Variants in ELL observed in about 807,000 individuals in gnomAD.
ELL encodes the protein RNA polymerase II elongation factor ELL.
In ELL, 18 loss-of-function variants were observed where a neutral mutation model predicts 64.0. That is an observed-to-expected ratio of 0.28 (90% CI 0.19 to 0.42). The LOEUF is 0.42. Among genes scored for constraint, ELL ranks in the 10% least tolerant of loss-of-function variants. The pLI is 1.00. For missense variants in ELL, 797 were observed against 870.4 expected, an observed-to-expected ratio of 0.92 and a Z score of 1.06; for synonymous variants, 399 against 376.2, an observed-to-expected ratio of 1.06 and a Z score of -0.70.
chr19:18,475,596 C>T (rs1975158793), intron 1 of ELL, among the ~76,000 whole-genome samples: 2 of 152,162 alleles, frequency 1.3e-5, no homozygotes, highest in African/African-American at 2.4e-5. Flanking sequence ...CCCAAATGTC[C>T]GTCAACTGGT....
chr19:18,508,731 T>C (rs1975937259), intron 1 of ELL, among the ~76,000 whole-genome samples: 1 of 152,252 alleles, frequency 6.6e-6, no homozygotes, highest in Admixed American at 6.5e-5. Flanking sequence ...GCTAGACAGT[T>C]GCAGCCTTGG....
rs1003690057 is a variant in ELL at position 18,449,537 on chromosome 19, C to T, written c.1465+940G>A. Among the ~76,000 whole-genome samples the T allele has an allele frequency of 5.9e-5, 9 of 152,160 alleles. No homozygotes were observed. Among genetic ancestry groups the T allele is most frequent in the African/African-American group, 1.9e-4 (8 of 41,414 alleles). On this transcript the variant is annotated intron_variant, in intron 8 of 11. Coordinates refer to ENST00000262809, the MANE Select transcript of ELL (RefSeq NM_006532.4). This position sits in a 1 kb window ranked among gnomAD's most constrained non-coding sequence, Gnocchi z 4.4. ...CCTGCTCTCCAGCCACAGCAGGGGA[C>T]GGGGCATGGCCCTCTGAGCAACGCA...
At chr19:18,459,681 G>A (rs185514719) in intron 5 of ELL, among the ~76,000 whole-genome samples, 14 of 151,120 alleles carry the variant, frequency 9.3e-5, no homozygotes, top group East Asian at 1.9e-4. Context: ...CACCACGCCC[G>A]GCTAATTTTT....
rs1017743915 is a variant in ELL at position 18,475,324 on chromosome 19, C to T, written c.136-2442G>A. Among the ~76,000 whole-genome samples, 3 of 152,064 alleles carry T rather than the reference C, an allele frequency of 2.0e-5. No individual in the cohort carries two copies. The South Asian group carries it at 6.3e-4, about 32-fold the overall frequency. ...TAACCACACTGAGATAGCTCTGTAC[C>T]CATCAGAGCAGCTAATCTAAAAGAA... On this transcript the variant is annotated intron_variant, in intron 1 of 11. Transcript: ENST00000262809.
intron 1 of ELL, among the ~76,000 whole-genome samples, chr19:18,515,720 C>T (rs1438390605): frequency 4.6e-5 from 7 of 152,168 alleles, no homozygotes; most frequent in Admixed American, 1.3e-4. Context: ...CTCTTGGGGA[C>T]GCGGAAAGTT....
intron 1 of ELL, among the ~76,000 whole-genome samples, chr19:18,497,030 T>C (rs1025391732): frequency 1.3e-5 from 2 of 152,206 alleles, no homozygotes; most frequent in Non-Finnish European, 2.9e-5. Context: ...ATGCAATAAT[T>C]GCACGCCTTG....
At position 18,449,501 on chromosome 19, in the gene ELL, A is replaced by G. The variant is rs572949988; in HGVS notation, c.1465+976T>C. 3.3e-5 allele frequency among the ~76,000 whole-genome samples: 5 copies of G among 152,276 alleles called. No individual in the cohort carries two copies. Among genetic ancestry groups the G allele is most frequent in the Admixed American group, 3.3e-4 (5 of 15,294 alleles). ...TTCCTATCCAGTAAGACCCAGCCACAGTTGTGAGGACCTGCTCTCCAGCCA... is the reference window on the plus strand; with the variant it reads ...TTCCTATCCAGTAAGACCCAGCCACGGTTGTGAGGACCTGCTCTCCAGCCA... On this transcript the variant is annotated intron_variant, in intron 8 of 11. Transcript: ENST00000262809. This position sits in a 1 kb window ranked among gnomAD's most constrained non-coding sequence, Gnocchi z 4.4.
chr19:18,461,871 C>T lies in ELL; in HGVS notation c.470-19G>A. On this transcript the variant is annotated intron_variant, in intron 4 of 11. Coordinates refer to ENST00000262809, the MANE Select transcript of ELL (RefSeq NM_006532.4). ...TTCTTGCCTGCAACAAGAATCCAAG[C>T]TTTAGGGAACAGAGAGGGCGCTGCC... The T allele has an allele frequency of 6.2e-7, 1 of 1,603,724 alleles. No homozygotes were observed. Among genetic ancestry groups the T allele is most frequent in the Non-Finnish European group, 8.5e-7 (1 of 1,173,672 alleles).
At chr19:18,462,179 A>AGTGTGTGTGTGT (rs758119031) in intron 4 of ELL, among the ~76,000 whole-genome samples, 52 of 120,112 alleles carry the variant, frequency 4.3e-4, no homozygotes, top group South Asian at 8.9e-4. Flanking sequence ...TCTGGTGGGC[A>AGTGTGTGTGTGT]GTGTGTGTGT....
chr19:18,445,513 C>T (rs1974393459), intron 10 of ELL: 1 of 187,604 alleles, frequency 5.3e-6, no homozygotes, highest in Middle Eastern at 2.3e-3. Flanking sequence ...GGGGGCGTGG[C>T]AGGACAAGGA....
intron 1 of ELL, among the ~76,000 whole-genome samples, chr19:18,509,610 C>T (rs866257163): frequency 1.1e-4 from 7 of 66,642 alleles, no homozygotes; most frequent in African/African-American, 8.9e-4. Context: ...CACACACACA[C>T]ACACACACAC....
intron 1 of ELL, among the ~76,000 whole-genome samples, chr19:18,504,431 A>G (rs981188955): frequency 4.0e-5 from 6 of 150,468 alleles, no homozygotes; most frequent in Admixed American, 2.6e-4. Flanking sequence ...GCATTCTTCA[A>G]CTCCCATCTG....
intron 2 of ELL, among the ~76,000 whole-genome samples, chr19:18,467,992 C>T (rs1974985714): frequency 1.4e-5 from 2 of 148,052 alleles, no homozygotes; most frequent in Non-Finnish European, 3.0e-5. Flanking sequence ...CACACAACCT[C>T]CCCCACACAC....
chr19:18,488,620 C>T (rs575682073), intron 1 of ELL, among the ~76,000 whole-genome samples: 29 of 152,306 alleles, frequency 1.9e-4, no homozygotes, highest in African/African-American at 5.8e-4. Flanking sequence ...AAAGTCTGAT[C>T]GCAGGGACCT....
intron 1 of ELL, among the ~76,000 whole-genome samples, chr19:18,518,709 T>C (rs1480541006): frequency 1.3e-5 from 2 of 151,136 alleles, no homozygotes; most frequent in African/African-American, 4.9e-5. Context: ...GAGAATCACT[T>C]GAACCCGGGA....
intron 2 of ELL, among the ~76,000 whole-genome samples, chr19:18,467,631 CCACACACACACA>C (rs56351300): frequency 0.068 from 4,577 of 66,968 alleles, 509 homozygotes; most frequent in African/African-American, 0.22. Flanking sequence ...CACCACACAA[CCACACACACACA>C]CACACACACA....
chr19:18,461,469 C>T (rs1974811830), intron 5 of ELL, 109 bp downstream of exon 5: 2 of 1,490,384 alleles, frequency 1.3e-6, no homozygotes, highest in Admixed American at 2.1e-5. Flanking sequence ...CCAGGAAGGG[C>T]TCTTCCTTGC....
At chr19:18,456,028 C>T (rs1044413992) in intron 6 of ELL, among the ~76,000 whole-genome samples, 3 of 151,348 alleles carry the variant, frequency 2.0e-5, no homozygotes, top group African/African-American at 2.4e-5. Context: ...ACCCAGGAGA[C>T]GGACGTTGCT....
chr19:18,487,963 G>A (rs1198401489), intron 1 of ELL, among the ~76,000 whole-genome samples: 3 of 152,134 alleles, frequency 2.0e-5, no homozygotes, highest in Non-Finnish European at 2.9e-5. Flanking sequence ...ACCCTGACAG[G>A]AGCCCTGTGC....
Sources: gnomAD v4.1 joint callset for allele counts (sites outside exome capture counted in the v4.1 genomes callset) on GRCh38, gnomAD v4.1.1 for gene constraint, Gnocchi (gnomAD v3.1) non-coding constraint, MANE v1.5 for transcripts, NCBI Gene and HGNC (gene_info 2026-07-23, HGNC 2026-07-21) for gene names.